The following NUTM1 variants were observed in gnomAD, a reference collection of about 807,000 sequenced individuals.
NUTM1 encodes the protein NUT midline carcinoma family member 1.
A neutral mutation model predicts 88.7 loss-of-function variants in NUTM1; 39 were observed. That is an observed-to-expected ratio of 0.44 (90% confidence interval 0.34 to 0.57). The LOEUF is 0.57. Among genes scored for constraint, NUTM1 ranks in the 20% least tolerant of loss-of-function variants. The pLI, the probability that NUTM1 is intolerant of heterozygous loss-of-function variation, is 0.01. For missense variants in NUTM1, 1,350 were observed against 1,414.5 expected, an observed-to-expected ratio of 0.95 and a Z score of 0.73; for synonymous variants, 494 against 538.0, an observed-to-expected ratio of 0.92 and a Z score of 1.13.
chr15:34,343,621 A>C lies in NUTM1; in HGVS notation c.-76A>C, dbSNP rs1420782207. On this transcript the variant is annotated 5_prime_UTR_variant, in exon 1 of 8. Coordinates refer to ENST00000537011, the MANE Select transcript of NUTM1 (RefSeq NM_001284292.2). ...GAAAGAGCGTAAAGTTATTTTATGAAACTGGTGAAGCATGTTTCAGCGGTC... is the reference window on the plus strand; with the variant it reads ...GAAAGAGCGTAAAGTTATTTTATGACACTGGTGAAGCATGTTTCAGCGGTC... The C allele has an allele frequency of 3.9e-6, 6 of 1,535,430 alleles. No homozygotes were observed. Among genetic ancestry groups the C allele is most frequent in the Non-Finnish European group, 4.4e-6 (5 of 1,146,748 alleles).
In NUTM1 at chr15:34,357,076, G is replaced by T; in HGVS notation, c.3068G>T (p.Arg1023Met). ...PRETSVSKTH[R>M]SADRAKGKEK... ...GAAACTTCTGTTAGTAAAACACACAGGTCAGCAGACAGGGCCAAAGGAAAG... is the reference window on the plus strand; with the variant it reads ...GAAACTTCTGTTAGTAAAACACACATGTCAGCAGACAGGGCCAAAGGAAAG... The change falls in exon 8 of 8, where the codon AGG becomes ATG. Residue 1023 changes from arginine to methionine, a missense_variant. This residue lies in a region of NUTM1 where 730 missense variants were observed against 728.8 expected (regional missense o/e 1.00). Coordinates refer to ENST00000537011, the MANE Select transcript of NUTM1 (RefSeq NM_001284292.2). The T allele has an allele frequency of 6.2e-7, 1 of 1,613,982 alleles. No homozygotes were observed. The highest frequency in any genetic ancestry group is 1.1e-5 in the South Asian group (1 of 91,054).
intron 3 of NUTM1, among the ~76,000 whole-genome samples, chr15:34,349,162 TGCTCCCTCC>T (rs1890662986): frequency 6.6e-6 from 1 of 152,214 alleles, no homozygotes; most frequent in African/African-American, 2.4e-5. Flanking sequence ...CTGCTCCCTC[TGCTCCCTCC>T]ACTCATTTTA....
intron 4 of NUTM1, among the ~76,000 whole-genome samples, chr15:34,351,872 T>TAAA (rs11407280): frequency 7.2e-5 from 10 of 138,326 alleles, no homozygotes; most frequent in African/African-American, 5.4e-5. Flanking sequence ...TATCTTTGAT[T>TAAA]AAAAAAAAAA....
intron 1 of NUTM1, 118 bp from the exon 2 acceptor site, chr15:34,345,824 C>G (rs543093613): frequency 7.1e-7 from 1 of 1,415,120 alleles, no homozygotes. Flanking sequence ...CCCACCCTCA[C>G]CCCACTTTTC....
chr15:34,357,665 C>A lies in NUTM1; in HGVS notation c.*174C>A. 8.4e-7 allele frequency: 1 copy of A among 1,185,530 alleles called. No individual in the cohort carries two copies. The highest frequency in any genetic ancestry group is 1.2e-6 in the Non-Finnish European group (1 of 807,524). The allele number at this position is 1,185,530 out of a possible 1,614,324, so 73.4% of individuals were successfully genotyped here. On this transcript the variant is annotated 3_prime_UTR_variant, in exon 8 of 8. Coordinates refer to ENST00000537011, the MANE Select transcript of NUTM1 (RefSeq NM_001284292.2). ...GGAGAGAGAGGTCAGACTGGCTAGG[C>A]TGCAGGGGGAATTACCTTTGGAAGG...
chr15:34,344,224 G>A (rs889242480), intron 1 of NUTM1, among the ~76,000 whole-genome samples: 19 of 134,284 alleles, frequency 1.4e-4, no homozygotes, highest in African/African-American at 5.4e-4. Context: ...AAAAAAATAT[G>A]GTTTGTGGCT....
At chr15:34,349,199 T>G (rs1890663503) in intron 3 of NUTM1, among the ~76,000 whole-genome samples, 1 of 152,144 alleles carries the variant, frequency 6.6e-6, no homozygotes, top group African/African-American at 2.4e-5. Flanking sequence ...GAATTCACTT[T>G]GAAATAGGGT....
At chr15:34,344,053 C>G (rs914580551) in intron 1 of NUTM1, among the ~76,000 whole-genome samples, 1 of 146,576 alleles carries the variant, frequency 6.8e-6, no homozygotes, top group Non-Finnish European at 1.5e-5. Context: ...AACCCCGTCT[C>G]TACTAAAAAT....
At position 34,355,284 on chromosome 15, in the gene NUTM1, A is replaced by AT; in HGVS notation, c.1479+147_1479+148insT. On this transcript the variant is annotated intron_variant, in intron 7 of 7. Coordinates refer to ENST00000537011, the MANE Select transcript of NUTM1 (RefSeq NM_001284292.2). The surrounding 1 kb of genome is among the most constrained non-coding windows in gnomAD (Gnocchi z 4.3). ...AACGAGTAGGTAGAGGGCTATGGAA[A>AT]CACAGGAAATGAGAATGTAAGGGCT... 1 of 745,894 alleles carries AT rather than the reference A, an allele frequency of 1.3e-6. No homozygotes were observed. The highest frequency in any genetic ancestry group is 2.3e-6 in the Non-Finnish European group (1 of 443,118). The allele number at this position is 745,894 out of a possible 1,614,324, so 46.2% of individuals were successfully genotyped here.
chr15:34,350,902 A>G (rs347796), intron 4 of NUTM1, 70 bp downstream of exon 4: 1,572,719 of 1,583,050 alleles, frequency 0.99, 781,790 homozygotes, highest in East Asian at 1. Context: ...CCGCAGAGAG[A>G]CTTGTGTGGG....
At position 34,357,318 on chromosome 15, in the gene NUTM1, G is replaced by T. The variant is rs781262441; in HGVS notation, c.3310G>T (p.Ala1104Ser). Residue 1104 changes from alanine (A) to serine (S), a missense_variant, in exon 8 of 8, where the codon GCT (alanine) becomes TCT (serine). Ala to Ser is a moderately conservative substitution (Grantham distance 99). Transcript: ENST00000537011. ...PYPVAKSGKR[A>S]LAGGPAPTEK... The stretch of plus-strand genomic sequence containing the variant: ...TCCTGTTGCCAAGTCTGGGAAGCGA[G>T]CTCTAGCTGGAGGTCCAGCCCCTAC... 2.2e-5 allele frequency: 36 copies of T among 1,614,014 alleles called. No individual in the cohort carries two copies. Among genetic ancestry groups the T allele is most frequent in the Non-Finnish European group, 3.0e-5 (35 of 1,180,040 alleles).
At chr15:34,345,427 A>G (rs1468374255) in intron 1 of NUTM1, among the ~76,000 whole-genome samples, 1 of 152,244 alleles carries the variant, frequency 6.6e-6, no homozygotes, top group East Asian at 1.9e-4. Flanking sequence ...AATGATGTGC[A>G]CACAGCAATC....
At chr15:34,348,774 G>A in intron 3 of NUTM1, 97 bp downstream of exon 3, 1 of 801,184 alleles carries the variant, frequency 1.2e-6, no homozygotes, top group South Asian at 1.7e-5. Context: ...GACTACTTGA[G>A]GGAAGGTCAT....
Position 34,354,524 on chromosome 15 carries a change from C to G in NUTM1, c.1154C>G (p.Pro385Arg), listed in dbSNP as rs1391878584. ...CGTAAAGCCCAGAGACCTCCTGCTC[C>G]TGAGGCACCCAAGGAGATCCCACCA... The part of the protein sequence containing the change: ...RQRKAQRPPA[P>R]EAPKEIPPEA... The change falls in exon 6 of 8, where the codon CCT becomes CGT. Residue 385 changes from proline (P) to arginine (R), a missense_variant. By Grantham distance (103) the Pro-to-Arg change is moderately radical (BLOSUM62 -2). This residue lies in a region of NUTM1 where 89 missense variants were observed against 76.0 expected (regional missense o/e 1.17). Coordinates refer to ENST00000537011, the MANE Select transcript of NUTM1 (RefSeq NM_001284292.2). The G allele has an allele frequency of 6.2e-7, 1 of 1,614,096 alleles. No individual in the cohort carries two copies. Among genetic ancestry groups the G allele is most frequent in the African/African-American group, 1.3e-5 (1 of 74,930 alleles).
In NUTM1 at chr15:34,355,396, C is replaced by G; in HGVS notation, c.1480-92C>G. ...ATCGCTTAAACTACTTGCTTGCCTTCCTTGCCCTGCCCAAATACCGTCTTG... is the reference window on the plus strand; with the variant it reads ...ATCGCTTAAACTACTTGCTTGCCTTGCTTGCCCTGCCCAAATACCGTCTTG... On this transcript the variant is annotated intron_variant, in intron 7 of 7. Coordinates refer to ENST00000537011, the MANE Select transcript of NUTM1 (RefSeq NM_001284292.2). This position sits in a 1 kb window ranked among gnomAD's most constrained non-coding sequence, Gnocchi z 4.3. 1 of 1,325,326 alleles carries G rather than the reference C, an allele frequency of 7.5e-7. No individual in the cohort carries two copies. The allele number at this position is 1,325,326 out of a possible 1,614,324, so 82.1% of individuals were successfully genotyped here.
Position 34,354,683 on chromosome 15 carries a change from T to C in NUTM1, c.1313T>C (p.Leu438Pro). The C allele has an allele frequency of 6.2e-7, 1 of 1,614,182 alleles. No individual in the cohort carries two copies. The highest frequency in any genetic ancestry group is 8.5e-7 in the Non-Finnish European group (1 of 1,180,016). ...GAAGGGATGTATCCAGATCCAGGTC[T>C]CCTGAGCTACATCAATGAGCTGTGT... ...EEEGMYPDPG[L>P]LSYINELCSQ... Residue 438 changes from leucine to proline, a missense_variant, in exon 6 of 8, where the codon CTC (leucine) becomes CCC (proline). Transcript: ENST00000537011.
chr15:34,346,064 C>T (rs755419089), intron 2 of NUTM1, 29 bp downstream of exon 2: 1 of 1,606,432 alleles, frequency 6.2e-7, no homozygotes, highest in Non-Finnish European at 8.5e-7. Context: ...AGGAGGATTT[C>T]TGGTACCTGC....
rs963760621 is a variant in NUTM1 at position 34,346,504 on chromosome 15, G to C, written c.100+469G>C. On this transcript the variant is annotated intron_variant, in intron 2 of 7. Transcript: ENST00000537011. The stretch of plus-strand genomic sequence containing the variant: ...GGAGGATGGGAGGGTAAGGTGGGAA[G>C]GACCTTAGTGGGAAAAGATAATCTG... 5.3e-5 allele frequency among the ~76,000 whole-genome samples: 8 copies of C among 150,054 alleles called. 1 individual carries two copies. Among genetic ancestry groups the C allele is most frequent in the Admixed American group, 2.7e-4 (4 of 14,982 alleles).
At chr15:34,352,642 C>CAAA (rs34684058) in intron 4 of NUTM1, among the ~76,000 whole-genome samples, 31 of 112,698 alleles carry the variant, frequency 2.8e-4, no homozygotes, top group African/African-American at 9.2e-4. Flanking sequence ...ACTAAAAATA[C>CAAA]AAAAAAAAAA....
Sources: allele counts gnomAD v4.1 joint callset (sites outside exome capture counted in the v4.1 genomes callset), GRCh38; gene constraint gnomAD v4.1.1; regional missense constraint gnomAD v4.1.1; non-coding constraint Gnocchi (gnomAD v3.1); transcripts MANE v1.5; gene names NCBI Gene and HGNC (gene_info 2026-07-23, HGNC 2026-07-21).